The following PITPNM2 variants were observed in gnomAD, a reference collection of about 807,000 sequenced individuals.
PITPNM2 encodes the protein membrane-associated phosphatidylinositol transfer protein 2.
PITPNM2 carries 35 observed loss-of-function variants against 132.2 expected under a neutral mutation model. The observed-to-expected ratio is 0.26, with a 90% CI of 0.20 to 0.35. PITPNM2 has a LOEUF of 0.35. PITPNM2 is among the 10% of genes least tolerant of loss of function. The probability of loss-of-function intolerance (pLI) is 1.00; values close to 1 mark genes in which losing one functional copy is unlikely to be tolerated. For missense variants in PITPNM2, 1,332 were observed against 1,912.0 expected, an observed-to-expected ratio of 0.70 and a Z score of 5.66; for synonymous variants, 738 against 799.2, an observed-to-expected ratio of 0.92 and a Z score of 1.29.
intron 1 of PITPNM2, among the ~76,000 whole-genome samples, chr12:123,120,421 T>A (rs1208883552): frequency 1.3e-5 from 2 of 152,012 alleles, no homozygotes; most frequent in Non-Finnish European, 2.9e-5. Context: ...GCCATAGGAG[T>A]TCCTTGGTCT....
At chr12:123,114,527 C>A (rs961901589) in intron 1 of PITPNM2, among the ~76,000 whole-genome samples, 1 of 150,464 alleles carries the variant, frequency 6.6e-6, no homozygotes, top group African/African-American at 2.5e-5. Context: ...TGAGCACAGT[C>A]CAAGTGCCAT....
rs892912019 is a variant in PITPNM2, at chr12:122,986,040, G to A, written c.4037C>T (p.Ala1346Val). The A allele has an allele frequency of 4.3e-6, 6 of 1,403,084 alleles. No homozygotes were observed. The highest frequency in any genetic ancestry group is 3.5e-5 in the Admixed American group (1 of 28,706). The allele number at this position is 1,403,084 out of a possible 1,614,324, so 86.9% of individuals were successfully genotyped here. A position where few individuals can be genotyped will look rare whatever the true frequency, so the allele number is the denominator to read the frequency against. Residue 1346 changes from alanine to valine, a missense_variant, in exon 26 of 26, where the codon GCG becomes GTG. By Grantham distance (64) the Ala-to-Val change is moderately conservative. Around this residue, in one of 6 missense-constraint regions of PITPNM2, gnomAD observed 163 missense variants for 177.2 expected, o/e 0.92. Coordinates refer to ENST00000320201, the MANE Select transcript of PITPNM2 (RefSeq NM_020845.3). ...MTGRLEPGAAAGPK is the reference protein window; with the variant it reads ...MTGRLEPGAAVGPK Reference sequence around the variant, plus strand: ...ACTCACGGTGCCCTACTTGGGGCCCGCGGCTGCCCCCGGCTCCAGGCGGCC... The same window carrying A: ...ACTCACGGTGCCCTACTTGGGGCCCACGGCTGCCCCCGGCTCCAGGCGGCC...
chr12:122,984,710 G>T lies in PITPNM2; in HGVS notation c.*1317C>A, dbSNP rs1363710202. ...CCCAGGTCGGCCGTAGCTTCTCGGG[G>T]ACAGAGCCTGGTCGCTGGACAAAGG... On this transcript the variant is annotated 3_prime_UTR_variant, in exon 26 of 26. Coordinates refer to ENST00000320201, the MANE Select transcript of PITPNM2 (RefSeq NM_020845.3). 1 of 152,356 alleles carries T rather than the reference G, an allele frequency of 6.6e-6. No individual in the cohort carries two copies. The highest frequency in any genetic ancestry group is 2.4e-5 in the African/African-American group (1 of 41,574). The allele number at this position is 152,356 out of a possible 1,614,324, so 9.4% of individuals were successfully genotyped here. A position where few individuals can be genotyped will look rare whatever the true frequency, so the allele number is the denominator to read the frequency against.
intron 1 of PITPNM2, among the ~76,000 whole-genome samples, chr12:123,125,404 T>C (rs1433795311): frequency 6.6e-6 from 1 of 152,216 alleles, no homozygotes; most frequent in African/African-American, 2.4e-5. Context: ...GACTCAGTCA[T>C]ATCAAAGGAT....
intron 2 of PITPNM2, among the ~76,000 whole-genome samples, chr12:123,052,208 G>A (rs1386682586): frequency 6.6e-6 from 1 of 150,718 alleles, no homozygotes; most frequent in East Asian, 2.0e-4. Flanking sequence ...ATTACAGTGT[G>A]AGCCATGGTG....
chr12:123,067,455 A>T (rs893712137), intron 2 of PITPNM2, among the ~76,000 whole-genome samples: 68 of 20,944 alleles, frequency 3.2e-3, no homozygotes, highest in African/African-American at 4.9e-3. Flanking sequence ...AAACTCCATC[A>T]CACACACACA....
rs561605842 is a variant in PITPNM2, at chr12:123,127,268, T to C, written c.-199-16780A>G. ...ACTTACACCGCTGCCCTCCATTTCC[T>C]GGGAGTCCAGGTCGCAGGGGACCCA... is the stretch of plus-strand genomic sequence containing the variant. On this transcript the variant is annotated intron_variant, in intron 1 of 25. Coordinates refer to ENST00000320201, the MANE Select transcript of PITPNM2 (RefSeq NM_020845.3). Among the ~76,000 whole-genome samples, 38 of 152,294 alleles carry C rather than the reference T, an allele frequency of 2.5e-4. 1 individual carries two copies. The highest frequency in any genetic ancestry group is 9.1e-4 in the African/African-American group (38 of 41,564).
chr12:123,121,858 T>C (rs377141411), intron 1 of PITPNM2, among the ~76,000 whole-genome samples: 2 of 152,146 alleles, frequency 1.3e-5, no homozygotes. Context: ...GTCAACCTTT[T>C]GTTTGTTTGT....
intron 2 of PITPNM2, among the ~76,000 whole-genome samples, chr12:123,074,626 C>A (rs994952480): frequency 3.3e-5 from 5 of 151,944 alleles, no homozygotes; most frequent in African/African-American, 9.7e-5. Flanking sequence ...CATACACCCA[C>A]CCACCCACAC....
chr12:122,989,879 CTGGGGG>C lies in PITPNM2; in HGVS notation c.2633_2638del (p.Ala878_Ser880delinsGly). On this transcript the variant is annotated inframe_deletion, in exon 18 of 26. Coordinates refer to ENST00000320201, the MANE Select transcript of PITPNM2 (RefSeq NM_020845.3). ...AGGGTGGGGGCCAGGGGTGGTGGGG[CTGGGGG>C]CGGGCAGGGCGAGCAGGGACAGACG... 2 of 324,564 alleles carry C rather than the reference CTGGGGG, an allele frequency of 6.2e-6. No homozygotes were observed. The highest frequency in any genetic ancestry group is 1.0e-5 in the Non-Finnish European group (2 of 198,202). The allele number at this position is 324,564 out of a possible 1,614,324, so 20.1% of individuals were successfully genotyped here.
chr12:123,044,943 T>G (rs139084359), intron 2 of PITPNM2, among the ~76,000 whole-genome samples: 2 of 152,256 alleles, frequency 1.3e-5, no homozygotes, highest in African/African-American at 4.8e-5. Flanking sequence ...ATGTGTACCA[T>G]GCCTGGCTCC....
intron 2 of PITPNM2, chr12:123,091,734 C>T (rs115634547): frequency 1.5e-3 from 221 of 152,386 alleles, no homozygotes; most frequent in African/African-American, 5.1e-3. Context: ...CACCTTCCCG[C>T]TGTCACCCAG....
rs1421663141 is a variant in PITPNM2, at chr12:122,989,902, G to C, written c.2616C>G (p.Ser872=). 1 of 1,333,158 alleles carries C rather than the reference G, an allele frequency of 7.5e-7. No homozygotes were observed. Among genetic ancestry groups the C allele is most frequent in the Non-Finnish European group, 9.6e-7 (1 of 1,038,076 alleles). The allele number at this position is 1,333,158 out of a possible 1,614,324, so 82.6% of individuals were successfully genotyped here. The change falls in exon 18 of 26, where the codon TCC becomes TCG. Residue 872 remains serine, a synonymous_variant. Coordinates refer to ENST00000320201, the MANE Select transcript of PITPNM2 (RefSeq NM_020845.3). The part of the protein sequence containing the change: ...LSHTPSVRRL[S]LLALPAPSPT... ...GGCTGGGGGCGGGCAGGGCGAGCAGGGACAGACGCCTGACGCTGGGGGTAT... is the reference window on the plus strand; with the variant it reads ...GGCTGGGGGCGGGCAGGGCGAGCAGCGACAGACGCCTGACGCTGGGGGTAT...
chr12:123,078,856 T>C lies in PITPNM2; in HGVS notation c.-96+31529A>G, dbSNP rs2041868858. On this transcript the variant is annotated intron_variant, in intron 2 of 25. Transcript: ENST00000320201. This position sits in a 1 kb window ranked among gnomAD's most constrained non-coding sequence, Gnocchi z 7.3. ...CCCACGTCCCAGCTTCGATACTGGCTTCAGCCACCTGGCCCCACTCATACT... is the reference window on the plus strand; with the variant it reads ...CCCACGTCCCAGCTTCGATACTGGCCTCAGCCACCTGGCCCCACTCATACT... Among the ~76,000 whole-genome samples the C allele has an allele frequency of 6.6e-6, 1 of 152,210 alleles. No homozygotes were observed. The highest frequency in any genetic ancestry group is 1.5e-5 in the Non-Finnish European group (1 of 68,030).
In PITPNM2 at chr12:123,095,308, C is replaced by T. The variant is rs1050455610; in HGVS notation, c.-96+15077G>A. ...CAGGGAGAGCTAAGCAAATCAGAACCGATGGCCCTGTGCTGGGCACAGATC... is the reference window on the plus strand; with the variant it reads ...CAGGGAGAGCTAAGCAAATCAGAACTGATGGCCCTGTGCTGGGCACAGATC... On this transcript the variant is annotated intron_variant, in intron 2 of 25. Transcript: ENST00000320201. This position sits in a 1 kb window ranked among gnomAD's most constrained non-coding sequence, Gnocchi z 5.0. Among the ~76,000 whole-genome samples, 5 of 152,188 alleles carry T rather than the reference C, an allele frequency of 3.3e-5. No individual in the cohort carries two copies. Among genetic ancestry groups the T allele is most frequent in the East Asian group, 1.9e-4 (1 of 5,186 alleles).
chr12:122,990,760 C>A (rs747777639), intron 16 of PITPNM2, 51 bp from the exon 17 acceptor site: 3 of 1,536,702 alleles, frequency 2.0e-6, no homozygotes, highest in African/African-American at 2.7e-5. Flanking sequence ...CTGCCCAGCC[C>A]CGGAGCAGTG....
chr12:123,046,240 C>G (rs1241122461), intron 2 of PITPNM2, among the ~76,000 whole-genome samples: 1 of 152,076 alleles, frequency 6.6e-6, no homozygotes, highest in Non-Finnish European at 1.5e-5. Context: ...GAAAATGGTG[C>G]CAGGGTCTCA....
At position 123,077,681 on chromosome 12, in the gene PITPNM2, C is replaced by T. The variant is rs1400978533; in HGVS notation, c.-96+32704G>A. On this transcript the variant is annotated intron_variant, in intron 2 of 25. Transcript: ENST00000320201. This position sits in a 1 kb window ranked among gnomAD's most constrained non-coding sequence, Gnocchi z 4.8. ...GAGGCCTCTCCCTCTCTCTCTCCCT[C>T]CATCCCAGCTCTTCGGAGAGAAAGC... Among the ~76,000 whole-genome samples, 1 of 152,238 alleles carries T rather than the reference C, an allele frequency of 6.6e-6. No homozygotes were observed. Among genetic ancestry groups the T allele is most frequent in the Non-Finnish European group, 1.5e-5 (1 of 68,038 alleles).
At chr12:123,151,420 C>T (rs544915349), upstream of PITPNM2, among the ~76,000 whole-genome samples, 1 of 152,130 alleles carries the variant, frequency 6.6e-6, no homozygotes, top group Non-Finnish European at 1.5e-5. Flanking sequence ...GGCCGACTTG[C>T]GGCCACTGTG....
Sources: gnomAD v4.1 joint callset for allele counts (sites outside exome capture counted in the v4.1 genomes callset) on GRCh38, gnomAD v4.1.1 for gene constraint, gnomAD v4.1.1 regional missense constraint, Gnocchi (gnomAD v3.1) non-coding constraint, MANE v1.5 for transcripts, NCBI Gene and HGNC (gene_info 2026-07-23, HGNC 2026-07-21) for gene names.